The following DCC variants were observed in gnomAD, a reference collection of about 807,000 sequenced individuals.
DCC encodes the protein netrin receptor DCC.
DCC carries 58 observed loss-of-function variants against 172.5 expected under a neutral mutation model. The observed-to-expected ratio is 0.34, with a 90% CI of 0.27 to 0.42. DCC has a LOEUF of 0.42. DCC is among the 10% of genes least tolerant of loss of function. DCC has a pLI of 1.00. For synonymous variants in DCC, 709 were observed against 644.5 expected, an observed-to-expected ratio of 1.10 and a Z score of -1.52; for missense variants, 1,740 against 1,791.0, an observed-to-expected ratio of 0.97 and a Z score of 0.51.
At chr18:53,478,607 C>T (rs1011774376) in intron 25 of DCC, among the ~76,000 whole-genome samples, 1 of 152,140 alleles carries the variant, frequency 6.6e-6, no homozygotes, top group South Asian at 2.1e-4. Context: ...AAAAAGGTAG[C>T]CTGAAACATC....
intron 5 of DCC, among the ~76,000 whole-genome samples, chr18:53,048,014 A>G (rs2042280144): frequency 6.6e-6 from 1 of 151,866 alleles, no homozygotes; most frequent in Non-Finnish European, 1.5e-5. Flanking sequence ...AATTAGGAAA[A>G]TGACATTTCC....
intron 1 of DCC, among the ~76,000 whole-genome samples, chr18:52,383,545 T>C (rs1287322545): frequency 6.6e-6 from 1 of 152,098 alleles, no homozygotes; most frequent in African/African-American, 2.4e-5. Flanking sequence ...AAGTGTATTA[T>C]TTTTGTTATA....
At chr18:53,007,320 G>T (rs774604324) in intron 5 of DCC, among the ~76,000 whole-genome samples, 2 of 152,122 alleles carry the variant, frequency 1.3e-5, no homozygotes, top group Non-Finnish European at 2.9e-5. Flanking sequence ...AGACGTGAAT[G>T]TCAGCCAATT....
intron 9 of DCC, among the ~76,000 whole-genome samples, chr18:53,201,023 C>G (rs940223618): frequency 2.0e-5 from 3 of 152,090 alleles, no homozygotes; most frequent in Admixed American, 6.6e-5. Context: ...TTCTCCTTTG[C>G]CCCTTGAAAC....
chr18:53,334,134 AT>A (rs1340617156), intron 14 of DCC, among the ~76,000 whole-genome samples: 3 of 152,196 alleles, frequency 2.0e-5, no homozygotes, highest in African/African-American at 7.2e-5. Context: ...CACAACAGCC[AT>A]CTAGACAAGA....
intron 25 of DCC, among the ~76,000 whole-genome samples, chr18:53,484,002 GATAGATAGATAT>G (rs1290316218): frequency 7.0e-6 from 1 of 142,142 alleles, no homozygotes; most frequent in African/African-American, 2.6e-5. Context: ...TAGATAGATA[GATAGATAGATAT>G]AGTGTGTGTG....
chr18:52,384,260 G>A (rs568550949), intron 1 of DCC, among the ~76,000 whole-genome samples: 2 of 152,202 alleles, frequency 1.3e-5, no homozygotes, highest in Admixed American at 1.3e-4. Flanking sequence ...AGACCTCTGT[G>A]CACTAAGGAG....
At chr18:52,469,054 T>G (rs1988871622) in intron 1 of DCC, among the ~76,000 whole-genome samples, 1 of 151,516 alleles carries the variant, frequency 6.6e-6, no homozygotes, top group Non-Finnish European at 1.5e-5. Flanking sequence ...TTTATTTATT[T>G]ATTTATTTAT....
intron 1 of DCC, among the ~76,000 whole-genome samples, chr18:52,386,600 A>C (rs1437230820): frequency 6.6e-6 from 1 of 152,046 alleles, no homozygotes; most frequent in African/African-American, 2.4e-5. Context: ...TTAAACCCCA[A>C]GGTGTATACA....
intron 5 of DCC, among the ~76,000 whole-genome samples, chr18:52,980,062 G>A (rs1022287452): frequency 1.3e-5 from 2 of 152,122 alleles, no homozygotes; most frequent in African/African-American, 4.8e-5. Flanking sequence ...TCAATTATCT[G>A]CCCCCGCCAC....
chr18:53,196,244 A>T (rs762738822), intron 9 of DCC, among the ~76,000 whole-genome samples: 3 of 152,172 alleles, frequency 2.0e-5, no homozygotes, highest in Non-Finnish European at 4.4e-5. Flanking sequence ...AAACAGTTGC[A>T]TTTGACATTA....
intron 5 of DCC, among the ~76,000 whole-genome samples, chr18:52,987,967 A>T (rs1267413589): frequency 2.6e-5 from 4 of 152,252 alleles, no homozygotes; most frequent in Non-Finnish European, 4.4e-5. Flanking sequence ...CTATTTAAAC[A>T]GCAAAGCTGC....
At position 52,880,658 on chromosome 18, in the gene DCC, C is replaced by T. The variant is rs531096644; in HGVS notation, c.413-25386C>T. 2.1e-3 allele frequency among the ~76,000 whole-genome samples: 319 copies of T among 152,236 alleles called. 1 individual carries two copies. Among genetic ancestry groups the T allele is most frequent in the Middle Eastern group, 6.8e-3 (2 of 294 alleles). ...TTATTTCACTTAACATAATGACCTCCACCTCCATCAGTGTTGTTGAAAATG... is the reference window on the plus strand; with the variant it reads ...TTATTTCACTTAACATAATGACCTCTACCTCCATCAGTGTTGTTGAAAATG... On this transcript the variant is annotated intron_variant, in intron 2 of 28. Coordinates refer to ENST00000442544, the MANE Select transcript of DCC (RefSeq NM_005215.4).
rs191016188 is a variant in DCC, at chr18:52,539,599, C to T, written c.91+198721C>T. Among the ~76,000 whole-genome samples the T allele has an allele frequency of 2.6e-3, 391 of 152,250 alleles. 4 individuals are homozygous for T. Among genetic ancestry groups the T allele is most frequent in the South Asian group, 0.014 (69 of 4,820 alleles). ...TAATGCCTGATGAGCTGAAGTGGAA[C>T]GGTTTCATCCTGAATCCATGCCCCC... is the stretch of plus-strand genomic sequence containing the variant. On this transcript the variant is annotated intron_variant, in intron 1 of 28. Coordinates refer to ENST00000442544, the MANE Select transcript of DCC (RefSeq NM_005215.4).
intron 2 of DCC, among the ~76,000 whole-genome samples, chr18:52,820,989 C>T (rs1423664348): frequency 1.3e-5 from 2 of 152,102 alleles, no homozygotes; most frequent in African/African-American, 4.8e-5. Context: ...CAAGGCAACC[C>T]TAAGAAGTGG....
At chr18:52,559,593 A>G (rs1248213886) in intron 1 of DCC, among the ~76,000 whole-genome samples, 1 of 152,190 alleles carries the variant, frequency 6.6e-6, no homozygotes, top group Non-Finnish European at 1.5e-5. Flanking sequence ...AAACCAAGGT[A>G]CTGCAATATG....
chr18:52,580,956 C>A (rs979705455), intron 1 of DCC, among the ~76,000 whole-genome samples: 2 of 152,112 alleles, frequency 1.3e-5, no homozygotes, highest in Admixed American at 6.6e-5. Context: ...ATTTTTCCTT[C>A]AAGTATCTGT....
At chr18:53,116,824 A>G (rs2043415793) in intron 7 of DCC, among the ~76,000 whole-genome samples, 1 of 151,674 alleles carries the variant, frequency 6.6e-6, no homozygotes, top group Admixed American at 6.6e-5. Context: ...TAACCTTTTA[A>G]AAAACAGTAC....
At chr18:52,398,671 A>G (rs1253279480) in intron 1 of DCC, among the ~76,000 whole-genome samples, 1 of 152,002 alleles carries the variant, frequency 6.6e-6, no homozygotes, top group Non-Finnish European at 1.5e-5. Context: ...AGCTGTGCAC[A>G]TACATACACG....
Sources: allele counts gnomAD v4.1 joint callset (sites outside exome capture counted in the v4.1 genomes callset), GRCh38; gene constraint gnomAD v4.1.1; transcripts MANE v1.5; gene names NCBI Gene and HGNC (gene_info 2026-07-23, HGNC 2026-07-21).